Variants in ADAMTSL1 observed in about 807,000 individuals in gnomAD.
ADAMTSL1 encodes the protein ADAMTS-like protein 1.
A neutral mutation model predicts 201.8 loss-of-function variants in ADAMTSL1; 126 were observed. The observed-to-expected ratio is 0.62, with a 90% CI of 0.54 to 0.72. The LOEUF (loss-of-function observed/expected upper bound fraction) is 0.72. ADAMTSL1 is among the 30% of genes least tolerant of loss of function. The pLI, the probability that ADAMTSL1 is intolerant of heterozygous loss-of-function variation, is 0.00. For missense variants in ADAMTSL1, 2,679 were observed against 2,277.8 expected (o/e 1.18, Z -3.59); for synonymous variants, 1,121 against 903.4 (o/e 1.24, Z -4.32).
At chr9:18,844,934 C>T (rs1045137309) in intron 23 of ADAMTSL1, among the ~76,000 whole-genome samples, 8 of 152,278 alleles carry the variant, frequency 5.3e-5, no homozygotes, top group Non-Finnish European at 8.8e-5. Flanking sequence ...TTCCAGGTGC[C>T]GTCTGTCACC....
intron 13 of ADAMTSL1, among the ~76,000 whole-genome samples, chr9:18,694,362 A>T (rs1831422203): frequency 6.6e-6 from 1 of 152,134 alleles, no homozygotes; most frequent in Non-Finnish European, 1.5e-5. Flanking sequence ...GCATTAACTC[A>T]AAAGTCCACA....
intron 2 of ADAMTSL1, among the ~76,000 whole-genome samples, chr9:18,303,537 T>A (rs571999342): frequency 1.3e-5 from 2 of 152,232 alleles, no homozygotes; most frequent in East Asian, 3.9e-4. Context: ...ACCATAAAGG[T>A]CAACAGAGTC....
At chr9:18,394,230 G>A (rs936448179) in intron 2 of ADAMTSL1, among the ~76,000 whole-genome samples, 2 of 152,086 alleles carry the variant, frequency 1.3e-5, no homozygotes, top group African/African-American at 4.8e-5. Flanking sequence ...AAATTAGCGG[G>A]GGATTGCATT....
intron 4 of ADAMTSL1, among the ~76,000 whole-genome samples, chr9:18,606,888 A>G (rs1428831072): frequency 6.6e-6 from 1 of 152,174 alleles, no homozygotes; most frequent in African/African-American, 2.4e-5. Context: ...TGTGGCTCAC[A>G]GTATTTATTT....
intron 1 of ADAMTSL1, among the ~76,000 whole-genome samples, chr9:18,007,033 A>C (rs1018615232): frequency 1.3e-5 from 2 of 152,054 alleles, no homozygotes; most frequent in Non-Finnish European, 2.9e-5. Context: ...AAAAACAGAG[A>C]AATTCCCCAT....
intron 1 of ADAMTSL1, among the ~76,000 whole-genome samples, chr9:18,064,301 G>A (rs892287227): frequency 4.6e-5 from 7 of 152,118 alleles, no homozygotes; most frequent in Admixed American, 3.9e-4. Context: ...CAAAATGTTA[G>A]TCTCCTCCAT....
intron 2 of ADAMTSL1, among the ~76,000 whole-genome samples, chr9:18,349,414 A>G (rs1454990060): frequency 6.6e-6 from 1 of 152,160 alleles, no homozygotes; most frequent in Non-Finnish European, 1.5e-5. Flanking sequence ...TTCAGGTGTC[A>G]GAAGCTCTGT....
chr9:18,692,960 A>C (rs1831323384), intron 13 of ADAMTSL1, among the ~76,000 whole-genome samples: 1 of 152,240 alleles, frequency 6.6e-6, no homozygotes, highest in Admixed American at 6.5e-5. Context: ...AACAAGTGTC[A>C]TATCCTCACT....
At chr9:18,136,549 C>T (rs1341081930) in intron 1 of ADAMTSL1, among the ~76,000 whole-genome samples, 1 of 151,966 alleles carries the variant, frequency 6.6e-6, no homozygotes, top group East Asian at 1.9e-4. Context: ...GAGAATCACA[C>T]CGCTATGGCA....
intron 1 of ADAMTSL1, 127 bp from the exon 2 acceptor site, chr9:18,504,702 T>A: frequency 2.3e-6 from 3 of 1,290,740 alleles, no homozygotes; most frequent in Non-Finnish European, 3.3e-6. Context: ...TCCGAGAATC[T>A]GATTGCGCGT....
chr9:18,321,338 TAA>T (rs1421048730), intron 2 of ADAMTSL1, among the ~76,000 whole-genome samples: 1 of 152,168 alleles, frequency 6.6e-6, no homozygotes, highest in East Asian at 1.9e-4. Context: ...GAGAAAAAGG[TAA>T]AAATCTACAA....
chr9:18,507,899 G>T (rs749144514), intron 2 of ADAMTSL1, among the ~76,000 whole-genome samples: 2 of 152,088 alleles, frequency 1.3e-5, no homozygotes, highest in Non-Finnish European at 2.9e-5. Context: ...TCAAAATTCA[G>T]TTTGGCCAGG....
At chr9:18,148,150 T>C (rs550746693) in intron 1 of ADAMTSL1, among the ~76,000 whole-genome samples, 5 of 152,002 alleles carry the variant, frequency 3.3e-5, no homozygotes, top group African/African-American at 1.2e-4. Flanking sequence ...AACAAAAACC[T>C]GACAAACTTT....
intron 1 of ADAMTSL1, among the ~76,000 whole-genome samples, chr9:17,949,963 G>C (rs757126000): frequency 1.3e-4 from 20 of 152,080 alleles, no homozygotes; most frequent in Non-Finnish European, 2.6e-4. Context: ...CTGTCACCCA[G>C]GCTGGAGTGC....
At chr9:18,766,570 C>T (rs1001167431) in intron 16 of ADAMTSL1, among the ~76,000 whole-genome samples, 4 of 152,156 alleles carry the variant, frequency 2.6e-5, no homozygotes, top group African/African-American at 9.7e-5. Flanking sequence ...GACTGAGTAG[C>T]TTATCAATGA....
intron 3 of ADAMTSL1, among the ~76,000 whole-genome samples, chr9:18,537,147 A>C (rs1031638562): frequency 6.6e-6 from 1 of 152,208 alleles, no homozygotes; most frequent in African/African-American, 2.4e-5. Context: ...TTGTTAAATA[A>C]AACCAAGACC....
chr9:18,479,103 C>A (rs1821601305), intron 1 of ADAMTSL1, among the ~76,000 whole-genome samples: 1 of 152,190 alleles, frequency 6.6e-6, no homozygotes, highest in African/African-American at 2.4e-5. Context: ...TTGCTATCAA[C>A]CCCTTCTTTC....
chr9:18,253,439 A>G (rs1260376429), intron 2 of ADAMTSL1, among the ~76,000 whole-genome samples: 1 of 152,266 alleles, frequency 6.6e-6, no homozygotes, highest in African/African-American at 2.4e-5. Flanking sequence ...GTCTAATTTT[A>G]TCAAAGATAG....
chr9:18,622,888 G>T (rs1826123020), intron 5 of ADAMTSL1, among the ~76,000 whole-genome samples: 2 of 151,956 alleles, frequency 1.3e-5, no homozygotes, highest in South Asian at 4.1e-4. Flanking sequence ...TTGGTGTTTT[G>T]TTTTTGTTTG....
Sources: allele counts gnomAD v4.1 joint callset (sites outside exome capture counted in the v4.1 genomes callset), GRCh38; gene constraint gnomAD v4.1.1; transcripts MANE v1.5; gene names NCBI Gene and HGNC (gene_info 2026-07-23, HGNC 2026-07-21).